The following STXBP5L variants were observed in gnomAD, a reference collection of about 807,000 sequenced individuals.
STXBP5L encodes syntaxin binding protein 5L, also known as syntaxin-binding protein 5-like.
In STXBP5L, 65 loss-of-function variants were observed where a neutral mutation model predicts 144.5. The ratio of observed to expected loss-of-function variants is 0.45; its 90% CI spans 0.37 to 0.55. The LOEUF (loss-of-function observed/expected upper bound fraction) is 0.55, where lower values mean the gene tolerates loss of function less well. STXBP5L is among the 20% of genes least tolerant of loss of function. STXBP5L has a pLI of 0.00. For synonymous variants in STXBP5L, 505 were observed against 469.6 expected (o/e 1.08, Z -0.97); for missense variants, 1,298 against 1,405.5 (o/e 0.92, Z 1.22).
At chr3:121,093,965 C>T (rs925055817) in intron 5 of STXBP5L, among the ~76,000 whole-genome samples, 7 of 151,890 alleles carry the variant, frequency 4.6e-5, no homozygotes, top group Admixed American at 1.3e-4. Flanking sequence ...GATTCTGGTA[C>T]GTTGTGTCTT....
chr3:120,972,502 A>T (rs1455068474), intron 3 of STXBP5L, among the ~76,000 whole-genome samples: 2 of 152,146 alleles, frequency 1.3e-5, no homozygotes, highest in East Asian at 1.9e-4. Context: ...ATATAAGAAT[A>T]TGTCATCAGT....
At chr3:121,177,578 A>G (rs903143239) in intron 9 of STXBP5L, among the ~76,000 whole-genome samples, 7 of 152,170 alleles carry the variant, frequency 4.6e-5, no homozygotes, top group Non-Finnish European at 1.0e-4. Context: ...CCTCACATCC[A>G]TTAGGATGAT....
At chr3:120,987,604 G>C (rs1470314923) in intron 3 of STXBP5L, among the ~76,000 whole-genome samples, 6 of 151,888 alleles carry the variant, frequency 4.0e-5, no homozygotes, top group Admixed American at 3.3e-4. Flanking sequence ...GTTCTTCACA[G>C]AGGACGGCTT....
chr3:121,077,281 G>A (rs569253848), intron 5 of STXBP5L, among the ~76,000 whole-genome samples: 10 of 152,316 alleles, frequency 6.6e-5, no homozygotes, highest in Admixed American at 3.9e-4. Flanking sequence ...GACTGGAGAT[G>A]TGTCCAGAAT....
At position 121,114,972 on chromosome 3, in the gene STXBP5L, G is replaced by T; in HGVS notation, c.518G>T (p.Gly173Val). The change falls in exon 6 of 27, where the codon GGA (glycine) becomes GTA (valine). Residue 173 changes from glycine (G) to valine (V), a missense_variant. Physicochemically the swap from Gly to Val is moderately radical, Grantham distance 109. Coordinates refer to ENST00000471454, the MANE Select transcript of STXBP5L (RefSeq NM_001308330.2). ...TTCCAGAGTAAATGGCTTTATGTTG[G>T]AACAGAAAGAGGAAATACACATATT... ...LPFQSKWLYV[G>V]TERGNTHIVN... 1 of 1,597,694 alleles carries T rather than the reference G, an allele frequency of 6.3e-7. No individual in the cohort carries two copies. The highest frequency in any genetic ancestry group is 8.5e-7 in the Non-Finnish European group (1 of 1,173,190).
At chr3:120,991,395 A>T (rs1297885592) in intron 3 of STXBP5L, among the ~76,000 whole-genome samples, 1 of 151,934 alleles carries the variant, frequency 6.6e-6, no homozygotes, top group Admixed American at 6.6e-5. Context: ...ACTGTAAACT[A>T]GTTCAACCAT....
At position 121,095,054 on chromosome 3, in the gene STXBP5L, T is replaced by C. The variant is rs2043041372; in HGVS notation, c.471-19871T>C. ...TAAAGCCTCACTTATGAAGCTTAGTTTGGCTGGATATGAAATTCTGGGTTG... is the reference window on the plus strand; with the variant it reads ...TAAAGCCTCACTTATGAAGCTTAGTCTGGCTGGATATGAAATTCTGGGTTG... On this transcript the variant is annotated intron_variant, in intron 5 of 26. Coordinates refer to ENST00000471454, the MANE Select transcript of STXBP5L (RefSeq NM_001308330.2). Among the ~76,000 whole-genome samples the C allele has an allele frequency of 2.0e-5, 3 of 152,196 alleles. No individual in the cohort carries two copies. In the South Asian group the frequency reaches 6.2e-4, roughly 32 times the overall value.
chr3:121,318,552 T>C lies in STXBP5L; in HGVS notation c.2176+12T>C, dbSNP rs146774218. ...GTCTCCTACCTCAGGTAAACATGAGTGGTATTTTGCAGACTTCTGGTAATT... is the reference window on the plus strand; with the variant it reads ...GTCTCCTACCTCAGGTAAACATGAGCGGTATTTTGCAGACTTCTGGTAATT... On this transcript the variant is annotated intron_variant, in intron 20 of 26. Transcript: ENST00000471454. 1.4e-5 allele frequency: 22 copies of C among 1,529,208 alleles called. No homozygotes were observed. In the African/African-American group the frequency reaches 2.6e-4, roughly 18 times the overall value. 94.7% of individuals were successfully genotyped at this position (1,529,208 alleles called of 1,614,324 possible).
intron 2 of STXBP5L, 128 bp downstream of exon 2, chr3:120,909,895 T>G: frequency 1.0e-6 from 1 of 969,708 alleles, no homozygotes; most frequent in Non-Finnish European, 1.5e-6. Context: ...TGCAGAAAGC[T>G]CTGTGGGTAG....
intron 5 of STXBP5L, among the ~76,000 whole-genome samples, chr3:121,114,340 T>C (rs2044139205): frequency 6.6e-6 from 1 of 152,186 alleles, no homozygotes. Context: ...ATGTCAAACA[T>C]CTGAATAAAA....
At chr3:121,023,841 T>C (rs958111284) in intron 3 of STXBP5L, among the ~76,000 whole-genome samples, 3 of 152,114 alleles carry the variant, frequency 2.0e-5, no homozygotes, top group Admixed American at 6.6e-5. Flanking sequence ...CTGCAAGCTC[T>C]GCCTCCCGGG....
intron 7 of STXBP5L, among the ~76,000 whole-genome samples, chr3:121,126,212 C>G (rs1236221727): frequency 6.6e-6 from 1 of 152,136 alleles, no homozygotes; most frequent in Non-Finnish European, 1.5e-5. Flanking sequence ...AGCCACAAAC[C>G]AAATCTGGCA....
intron 3 of STXBP5L, among the ~76,000 whole-genome samples, chr3:121,036,549 T>C (rs1400158207): frequency 6.6e-6 from 1 of 152,136 alleles, no homozygotes; most frequent in Non-Finnish European, 1.5e-5. Context: ...AGATGATTCT[T>C]GCTTTATTCA....
At chr3:121,217,549 C>T (rs987860716) in intron 10 of STXBP5L, among the ~76,000 whole-genome samples, 1 of 152,104 alleles carries the variant, frequency 6.6e-6, no homozygotes, top group Non-Finnish European at 1.5e-5. Flanking sequence ...GAGCTGGGTA[C>T]CTCCATTGGA....
intron 26 of STXBP5L, among the ~76,000 whole-genome samples, 187 bp from the exon 27 acceptor site, chr3:121,418,869 G>A (rs1054838592): frequency 5.9e-5 from 9 of 152,080 alleles, no homozygotes; most frequent in African/African-American, 2.2e-4. Flanking sequence ...TCTATCAGCT[G>A]AGTCTTTACA....
At chr3:120,916,907 T>C (rs1427823688) in intron 2 of STXBP5L, among the ~76,000 whole-genome samples, 1 of 152,232 alleles carries the variant, frequency 6.6e-6, no homozygotes, top group African/African-American at 2.4e-5. Context: ...AAAACTTGTC[T>C]ATAAATCTGT....
intron 3 of STXBP5L, among the ~76,000 whole-genome samples, chr3:121,006,972 T>C (rs1020638333): frequency 3.4e-4 from 52 of 152,192 alleles, no homozygotes; most frequent in Admixed American, 7.9e-4. Context: ...TGTCTCTGGC[T>C]ACCCTTAACA....
intron 2 of STXBP5L, among the ~76,000 whole-genome samples, chr3:120,914,967 G>A (rs1009556886): frequency 6.6e-6 from 1 of 152,088 alleles, no homozygotes; most frequent in African/African-American, 2.4e-5. Flanking sequence ...GTAGGGGCAG[G>A]CTTGAGTAAA....
chr3:121,053,542 T>C (rs1028023949), intron 5 of STXBP5L, among the ~76,000 whole-genome samples: 4 of 151,976 alleles, frequency 2.6e-5, no homozygotes, highest in African/African-American at 7.2e-5. Context: ...TAGACATGTG[T>C]AGAAAGCTGA....
Sources: gnomAD v4.1 joint callset for allele counts (sites outside exome capture counted in the v4.1 genomes callset) on GRCh38, gnomAD v4.1.1 for gene constraint, MANE v1.5 for transcripts, NCBI Gene and HGNC (gene_info 2026-07-23, HGNC 2026-07-21) for gene names.